ABCC12: variants seen among roughly 807,000 people sequenced by gnomAD.
ABCC12 encodes the protein ATP-binding cassette sub-family C member 12.
Under a neutral mutation model 151.1 loss-of-function variants are expected in ABCC12, and 142 were observed. That is an observed-to-expected ratio of 0.94 (90% confidence interval 0.82 to 1.08). The LOEUF is 1.08. Ranked by LOEUF, ABCC12 falls within the 50% of genes least tolerant of loss-of-function variation. ABCC12 has a pLI of 0.00. For synonymous variants in ABCC12, 645 were observed against 646.4 expected (o/e 1.00, Z 0.03); for missense variants, 1,638 against 1,691.1 (o/e 0.97, Z 0.55).
At chr16:48,105,638 G>A (rs1295364350) in intron 20 of ABCC12, among the ~76,000 whole-genome samples, 1 of 152,204 alleles carries the variant, frequency 6.6e-6, no homozygotes, top group Non-Finnish European at 1.5e-5. Flanking sequence ...CTGCACCTCG[G>A]GAGACCAGAA....
At chr16:48,140,586 G>A (rs1260828886) in intron 6 of ABCC12, 101 bp downstream of exon 6, 5 of 1,162,934 alleles carry the variant, frequency 4.3e-6, no homozygotes, top group Non-Finnish European at 6.2e-6. Context: ...TCATAGACAA[G>A]CAAAAGGAAG....
chr16:48,089,359 T>C lies in ABCC12; in HGVS notation c.3286-625A>G, dbSNP rs1962780549. On this transcript the variant is annotated intron_variant, in intron 25 of 30. Transcript: ENST00000311303. ...CTCAACCAGATATAATTTCAAAATC[T>C]GCAAGAATCATCATTATACTAGAAG... Among the ~76,000 whole-genome samples, 6 of 152,276 alleles carry C rather than the reference T, an allele frequency of 3.9e-5. No individual in the cohort carries two copies. In the South Asian group the frequency reaches 1.2e-3, roughly 32 times the overall value.
chr16:48,136,430 T>G (rs1448646925), intron 8 of ABCC12, among the ~76,000 whole-genome samples: 3 of 152,110 alleles, frequency 2.0e-5, no homozygotes, highest in East Asian at 3.9e-4. Context: ...ACTTCCTCCA[T>G]CTTCCCCCAT....
At chr16:48,115,140 A>G (rs975600516) in intron 15 of ABCC12, among the ~76,000 whole-genome samples, 1 of 152,012 alleles carries the variant, frequency 6.6e-6, no homozygotes, top group Non-Finnish European at 1.5e-5. Context: ...GGGTGCCCCA[A>G]TCCACCCACA....
At position 48,087,078 on chromosome 16, in the gene ABCC12, C is replaced by G. The variant is rs1962645663; in HGVS notation, c.3636-259G>C. The G allele has an allele frequency of 7.5e-6, 3 of 401,598 alleles. No homozygotes were observed. In the Admixed American group the frequency reaches 1.1e-4, roughly 14 times the overall value. The allele number at this position is 401,598 out of a possible 1,614,324, so 24.9% of individuals were successfully genotyped here. Reference sequence around the variant, plus strand: ...CAGGTGGAACCCTGCCGAGAGGCAGCTCTGAGCAAGGTGCTCAGAAAGACA... The same window carrying G: ...CAGGTGGAACCCTGCCGAGAGGCAGGTCTGAGCAAGGTGCTCAGAAAGACA... On this transcript the variant is annotated intron_variant, in intron 27 of 30. Coordinates refer to ENST00000311303, the MANE Select transcript of ABCC12 (RefSeq NM_001393797.1).
rs1597309314 is a variant in ABCC12 at position 48,107,326 on chromosome 16, G to A, written c.2471C>T (p.Ser824Leu). 2 of 1,614,032 alleles carry A rather than the reference G, an allele frequency of 1.2e-6. No individual in the cohort carries two copies. The highest frequency in any genetic ancestry group is 1.7e-6 in the Non-Finnish European group (2 of 1,179,892). ...WWLGLWLDKG[S>L]RMTCGPQGNR... is the part of the protein sequence containing the mutation. The stretch of plus-strand genomic sequence containing the variant: ...CAATGCCAAAGGGAAACTCACCCGT[G>A]AGCCCTTGTCCAACCAGAGACCCAG... The change falls in exon 20 of 31, where the codon TCA becomes TTA. Residue 824 changes from serine to leucine, a missense_variant. By Grantham distance (145) the Ser-to-Leu change is moderately radical. Transcript: ENST00000311303.
intron 19 of ABCC12, among the ~76,000 whole-genome samples, chr16:48,107,981 C>T (rs981697682): frequency 6.6e-6 from 1 of 151,664 alleles, no homozygotes; most frequent in African/African-American, 2.4e-5. Context: ...TGCACTCCAG[C>T]CTGGGTGACA....
intron 15 of ABCC12, among the ~76,000 whole-genome samples, chr16:48,113,495 T>C (rs977192368): frequency 1.3e-5 from 2 of 152,224 alleles, no homozygotes; most frequent in Admixed American, 6.5e-5. Flanking sequence ...AATCTGCACC[T>C]GGGTTGGATT....
At chr16:48,123,360 T>C (rs1447587855) in intron 12 of ABCC12, among the ~76,000 whole-genome samples, 1 of 152,104 alleles carries the variant, frequency 6.6e-6, no homozygotes, top group Non-Finnish European at 1.5e-5. Flanking sequence ...CAGGAACTCA[T>C]CCAATTCAGC....
In ABCC12 at chr16:48,141,282, C is replaced by T. The variant is rs1237326284; in HGVS notation, c.347G>A (p.Trp116Ter). 1.9e-6 allele frequency: 3 copies of T among 1,614,122 alleles called. No individual in the cohort carries two copies. Among genetic ancestry groups the T allele is most frequent in the African/African-American group, 2.7e-5 (2 of 74,934 alleles). Residue 116 changes from tryptophan (W) to a stop codon, truncating the protein, a stop_gained, in exon 5 of 31, where the codon TGG becomes TAG. Transcript: ENST00000311303. LOFTEE classifies it high-confidence loss of function. Reference sequence around the variant, plus strand: ...CAACACGCGTGTCCTCTGGAATTTCCACACCACGTGGCTCAGAGAGGCCTT... The same window carrying T: ...CAACACGCGTGTCCTCTGGAATTTCTACACCACGTGGCTCAGAGAGGCCTT... ...PEKASLSHVV[W>*]KFQRTRVLMD...
At chr16:48,098,000 A>G (rs560632058) in intron 23 of ABCC12, among the ~76,000 whole-genome samples, 11 of 151,976 alleles carry the variant, frequency 7.2e-5, no homozygotes, top group Admixed American at 6.5e-4. Context: ...GTTCCCCCAC[A>G]TGGGCATCAG....
At chr16:48,089,063 C>T (rs2150583341) in intron 25 of ABCC12, among the ~76,000 whole-genome samples, 1 of 152,302 alleles carries the variant, frequency 6.6e-6, no homozygotes, top group South Asian at 2.1e-4. Flanking sequence ...GGCTGGAGTG[C>T]TGGGAGGATG....
At chr16:48,096,090 T>C (rs1963084164) in intron 24 of ABCC12, among the ~76,000 whole-genome samples, 1 of 152,176 alleles carries the variant, frequency 6.6e-6, no homozygotes, top group South Asian at 2.1e-4. Context: ...ATTAATTTAG[T>C]TAAAAGACAG....
rs756417791 is a variant in ABCC12, at chr16:48,108,460, G to A, written c.2351C>T (p.Thr784Met). The A allele has an allele frequency of 1.4e-5, 23 of 1,613,916 alleles. No homozygotes were observed. Among genetic ancestry groups the A allele is most frequent in the South Asian group, 1.1e-4 (10 of 91,084 alleles). Residue 784 changes from threonine (T) to methionine (M), a missense_variant, in exon 19 of 31, where the codon ACG (threonine) becomes ATG (methionine). By Grantham distance (81) the Thr-to-Met change is moderately conservative (BLOSUM62 -1). Transcript: ENST00000311303. ...TGAACCTCCAGAAGCCTTAATGTACGTGTGATATGTTTTCCAGGTCACGGT... is the reference window on the plus strand; with the variant it reads ...TGAACCTCCAGAAGCCTTAATGTACATGTGATATGTTTTCCAGGTCACGGT... ...EGTVTWKTYH[T>M]YIKASGGYLL... is the part of the protein sequence containing the mutation.
chr16:48,130,826 C>T lies in ABCC12; in HGVS notation c.1198G>A (p.Ala400Thr), dbSNP rs369259707. The change falls in exon 10 of 31, where the codon GCA (alanine) becomes ACA (threonine). Residue 400 changes from alanine to threonine, a missense_variant. By Grantham distance (58) the Ala-to-Thr change is moderately conservative (BLOSUM62 0). Transcript: ENST00000311303. ...SIAILPFSIK[A>T]MAEANVSLRR... ...AGAGAGACATTCGCTTCAGCCATTG[C>T]TTTGATGGAGAAGGGCAAGATTGCA... 17 of 1,613,628 alleles carry T rather than the reference C, an allele frequency of 1.1e-5. No individual in the cohort carries two copies. The African/African-American group carries it at 1.9e-4, about 18-fold the overall frequency.
chr16:48,146,171 C>T (rs8062222), intron 3 of ABCC12, 135 bp downstream of exon 3: 68,874 of 744,490 alleles, frequency 0.093, 5,963 homozygotes, highest in African/African-American at 0.37. Flanking sequence ...AATGAATGAA[C>T]GTGTGCATGG....
chr16:48,148,237 C>CA (rs113758072), intron 2 of ABCC12, among the ~76,000 whole-genome samples: 431 of 123,096 alleles, frequency 3.5e-3, no homozygotes, highest in East Asian at 5.9e-3. Context: ...CGTGAGTCAC[C>CA]AAAAAAAAAA....
intron 11 of ABCC12, among the ~76,000 whole-genome samples, chr16:48,124,689 G>A (rs749901477): frequency 2.0e-5 from 3 of 152,196 alleles, no homozygotes; most frequent in African/African-American, 7.2e-5. Context: ...GGTAGCTTTT[G>A]AAGTATGGAC....
chr16:48,149,244 CA>C (rs1175912271), intron 2 of ABCC12, among the ~76,000 whole-genome samples: 978 of 65,064 alleles, frequency 0.015, 7 homozygotes, highest in African/African-American at 0.034. Flanking sequence ...GTAGATTAAC[CA>C]AAAAAAAAAA....
Sources: gnomAD v4.1 joint callset for allele counts (sites outside exome capture counted in the v4.1 genomes callset) on GRCh38, gnomAD v4.1.1 for gene constraint, MANE v1.5 for transcripts, NCBI Gene and HGNC (gene_info 2026-07-23, HGNC 2026-07-21) for gene names.